The following NDUFAF6 variants were observed in gnomAD, a reference collection of about 807,000 sequenced individuals.
NDUFAF6 encodes NADH:ubiquinone oxidoreductase complex assembly factor 6.
A neutral mutation model predicts 40.8 loss-of-function variants in NDUFAF6; 45 were observed. The ratio of observed to expected loss-of-function variants is 1.10; its 90% CI spans 0.87 to 1.42. The LOEUF (loss-of-function observed/expected upper bound fraction) is 1.42, where lower values mean the gene tolerates loss of function less well. NDUFAF6 is among the 40% of genes most tolerant of loss of function. The pLI is 0.00. For synonymous variants in NDUFAF6, 185 were observed against 155.9 expected, an observed-to-expected ratio of 1.19 and a Z score of -1.39; for missense variants, 435 against 418.5, an observed-to-expected ratio of 1.04 and a Z score of -0.34.
chr8:94,973,192 A>C (rs1022547021), intron 1 of NDUFAF6, among the ~76,000 whole-genome samples: 3 of 151,982 alleles, frequency 2.0e-5, no homozygotes, highest in African/African-American at 7.3e-5. Flanking sequence ...TGGCTCTGCC[A>C]CTCCCTAGCT....
At chr8:94,975,522 T>A (rs978761610) in intron 1 of NDUFAF6, 2 of 152,466 alleles carry the variant, frequency 1.3e-5, no homozygotes, top group Non-Finnish European at 2.9e-5. Flanking sequence ...CTGCAGCTGC[T>A]GGCCTCCTGG....
At chr8:94,936,057 G>A (rs1429771925) in intron 1 of NDUFAF6, among the ~76,000 whole-genome samples, 1 of 152,156 alleles carries the variant, frequency 6.6e-6, no homozygotes, top group African/African-American at 2.4e-5. Flanking sequence ...TGGCACTTAT[G>A]GCAAAAGACT....
Position 94,930,368 on chromosome 8 carries a change from GTGAT to G in NDUFAF6, c.-935-15112_-935-15109del. On this transcript the variant is annotated intron_variant, in intron 1 of 14. Coordinates refer to the NDUFAF6 transcript ENST00000396113. ...TGTCTAAATACACTGATAAAACTAT[GTGAT>G]TGGTTATCAATTGGTTGTAAAGAGA... is the stretch of plus-strand genomic sequence containing the variant. 7 of 1,426,380 alleles carry G rather than the reference GTGAT, an allele frequency of 4.9e-6. No individual in the cohort carries two copies. In the South Asian group the frequency reaches 6.7e-5, roughly 14 times the overall value. The allele number at this position is 1,426,380 out of a possible 1,614,324, so 88.4% of individuals were successfully genotyped here.
rs1261762248 is a variant in NDUFAF6, at chr8:94,978,721, GA to G, written c.-198-2127del. Among the ~76,000 whole-genome samples, 428 of 141,634 alleles carry G rather than the reference GA, an allele frequency of 3.0e-3. 2 individuals are homozygous for G. Among genetic ancestry groups the G allele is most frequent in the Middle Eastern group, 0.014 (4 of 278 alleles). 92.9% of individuals were successfully genotyped at this position (141,634 alleles called of 152,430 possible). A position where few individuals can be genotyped will look rare whatever the true frequency, so the allele number is the denominator to read the frequency against. On this transcript the variant is annotated intron_variant, in intron 1 of 9. Coordinates refer to the NDUFAF6 transcript ENST00000396111. ...AAAGCAAGACCCTGTCTCAAAAAAA[GA>G]AAAAAAAAAAGCTGGCAAACATAGG...
chr8:95,093,893 C>G (rs1376707322), intron 2 of NDUFAF6, among the ~76,000 whole-genome samples: 1 of 152,212 alleles, frequency 6.6e-6, no homozygotes, highest in East Asian at 1.9e-4. Context: ...TTGTTCTTCC[C>G]TCACTTAATT....
Position 95,047,259 on chromosome 8 carries a change from C to G in NDUFAF6, c.714+132C>G, listed in dbSNP as rs1223044769. On this transcript the variant is annotated intron_variant, in intron 6 of 8. Transcript: ENST00000396124. ...ATGCTTATTGCTTACTAAAAATGGC[C>G]TTCCTCTTTTTATCCCAGAGTTATC... 3.1e-6 allele frequency: 4 copies of G among 1,298,468 alleles called. No homozygotes were observed. The African/African-American group carries it at 5.9e-5, about 19-fold the overall frequency. The allele number at this position is 1,298,468 out of a possible 1,614,324, so 80.4% of individuals were successfully genotyped here. A position where few individuals can be genotyped will look rare whatever the true frequency, so the allele number is the denominator to read the frequency against.
chr8:95,094,215 G>A (rs1390102089), intron 2 of NDUFAF6, among the ~76,000 whole-genome samples: 4 of 152,056 alleles, frequency 2.6e-5, no homozygotes, highest in Admixed American at 1.3e-4. Flanking sequence ...CAGGTGATCC[G>A]CCCACCTTGG....
At chr8:95,010,313 T>C (rs914486202) in intron 2 of NDUFAF6, among the ~76,000 whole-genome samples, 3 of 152,146 alleles carry the variant, frequency 2.0e-5, no homozygotes, top group African/African-American at 7.2e-5. Flanking sequence ...GGTCTCGAAC[T>C]CCTGACCTCA....
At position 95,052,230 on chromosome 8, in the gene NDUFAF6, G is replaced by C; in HGVS notation, c.873G>C (p.Thr291=). The C allele has an allele frequency of 6.2e-7, 1 of 1,613,814 alleles. No homozygotes were observed. The highest frequency in any genetic ancestry group is 8.5e-7 in the Non-Finnish European group (1 of 1,179,752). ...AAGCATTTCCTGCTTTTCTTCAGAC[G>C]GTAAGTAGATTAACAGAGAAGGCTG... ...PVKAFPAFLQ[T]VSLEDFLKKI... Residue 291 remains threonine (T), a splice_region_variant and synonymous_variant, in exon 8 of 9, where the codon ACG becomes ACC. Coordinates refer to ENST00000396124, the MANE Select transcript of NDUFAF6 (RefSeq NM_152416.4).
At chr8:95,033,881 TA>T in intron 2 of NDUFAF6, 1 of 386,084 alleles carries the variant, frequency 2.6e-6, no homozygotes, top group South Asian at 1.9e-5. Flanking sequence ...GAGATTCAGT[TA>T]GGGGCACCTG....
intron 1 of NDUFAF6, chr8:94,930,577 G>A (rs1443640130): frequency 6.8e-6 from 11 of 1,614,212 alleles, no homozygotes; most frequent in Non-Finnish European, 9.3e-6. Flanking sequence ...TGGCGACGAA[G>A]GCTATTTCTG....
intron 2 of NDUFAF6, among the ~76,000 whole-genome samples, chr8:95,019,730 T>C (rs1042300100): frequency 1.3e-5 from 2 of 152,202 alleles, no homozygotes; most frequent in African/African-American, 4.8e-5. Context: ...AGGTGTCCTT[T>C]TAGCAAATGA....
At chr8:95,097,569 T>A (rs189874387), upstream of NDUFAF6, among the ~76,000 whole-genome samples, 1 of 152,100 alleles carries the variant, frequency 6.6e-6, no homozygotes, top group Non-Finnish European at 1.5e-5. Context: ...CATGGTGGCA[T>A]GTGCCTGTAA....
chr8:94,910,582 C>T (rs1586620905), intron 1 of NDUFAF6, among the ~76,000 whole-genome samples: 1 of 151,492 alleles, frequency 6.6e-6, no homozygotes. Context: ...CTAAAAGAAT[C>T]TTGCCTTCTG....
At position 95,025,128 on chromosome 8, in the gene NDUFAF6, G is replaced by GGT. The variant is rs1463009913; in HGVS notation, c.123_124dup (p.Ser42CysfsTer50). 4 of 1,484,102 alleles carry GGT rather than the reference G, an allele frequency of 2.7e-6. No homozygotes were observed. Among genetic ancestry groups the GGT allele is most frequent in the Non-Finnish European group, 3.5e-6 (4 of 1,127,002 alleles). 91.9% of individuals were successfully genotyped at this position (1,484,102 alleles called of 1,614,324 possible). A position where few individuals can be genotyped will look rare whatever the true frequency, so the allele number is the denominator to read the frequency against. The stretch of plus-strand genomic sequence containing the variant: ...GCATGCGGCGGCTGCCCGGGCCGGA[G>GGT]GTGTCTGGGCGGAGCGTGGCTGCGG... On this transcript the variant is annotated frameshift_variant, in exon 1 of 9. Transcript: ENST00000396124. LOFTEE classifies it high-confidence loss of function.
chr8:94,920,640 A>T (rs1294730901), intron 1 of NDUFAF6, among the ~76,000 whole-genome samples: 9 of 152,190 alleles, frequency 5.9e-5, no homozygotes, highest in Admixed American at 5.9e-4. Context: ...TGGCTGCTGT[A>T]GCCCAGTGTT....
intron 2 of NDUFAF6, among the ~76,000 whole-genome samples, chr8:95,000,758 A>G (rs1826690522): frequency 6.6e-6 from 1 of 152,016 alleles, no homozygotes; most frequent in Admixed American, 6.6e-5. Flanking sequence ...CAACATCATG[A>G]AACCCTGTCA....
At chr8:95,000,632 CAAA>C (rs567449511) in intron 2 of NDUFAF6, among the ~76,000 whole-genome samples, 5 of 114,288 alleles carry the variant, frequency 4.4e-5, no homozygotes, top group Non-Finnish European at 5.7e-5. Context: ...ACATAGTAAG[CAAA>C]AAAAAAAAAA....
chr8:94,943,565 C>T (rs1490761679), intron 1 of NDUFAF6, among the ~76,000 whole-genome samples: 1 of 152,216 alleles, frequency 6.6e-6, no homozygotes, highest in Non-Finnish European at 1.5e-5. Flanking sequence ...CTTTTTATCA[C>T]AAGCATCAGC....
Sources: allele counts gnomAD v4.1 joint callset (sites outside exome capture counted in the v4.1 genomes callset), GRCh38; gene constraint gnomAD v4.1.1; transcripts MANE v1.5; gene names NCBI Gene and HGNC (gene_info 2026-07-23, HGNC 2026-07-21).